The following TMEM181 variants were observed in gnomAD, a reference collection of about 807,000 sequenced individuals.
TMEM181 encodes transmembrane protein 181.
TMEM181 carries 39 observed loss-of-function variants against 71.9 expected under a neutral mutation model. That is an observed-to-expected ratio of 0.54 (90% CI 0.42 to 0.71). The LOEUF is 0.71. Among genes scored for constraint, TMEM181 ranks in the 30% least tolerant of loss-of-function variants. The pLI is 0.00. For synonymous variants in TMEM181, 245 were observed against 228.8 expected (o/e 1.07, Z -0.64); for missense variants, 595 against 583.0 (o/e 1.02, Z -0.21).
chr6:158,608,767 T>C lies in TMEM181; in HGVS notation c.896+17T>C, dbSNP rs758797827. 2.5e-6 allele frequency: 4 copies of C among 1,601,234 alleles called. No homozygotes were observed. The highest frequency in any genetic ancestry group is 2.6e-6 in the Non-Finnish European group (3 of 1,174,804). ...ATGGCAAACGTGAGTAATTCTATTATGTGTGAAACTTCAGTCATGAAAAGC... is the reference window on the plus strand; with the variant it reads ...ATGGCAAACGTGAGTAATTCTATTACGTGTGAAACTTCAGTCATGAAAAGC... On this transcript the variant is annotated intron_variant, in intron 10 of 16. Transcript: ENST00000684151.
At chr6:158,559,188 A>C (rs1782017192), upstream of TMEM181, among the ~76,000 whole-genome samples, 1 of 149,384 alleles carries the variant, frequency 6.7e-6, no homozygotes. Flanking sequence ...TACCTTCTCC[A>C]CTCCCCCAAG....
chr6:158,566,839 C>T (rs112012612), intron 1 of TMEM181, among the ~76,000 whole-genome samples: 1 of 152,030 alleles, frequency 6.6e-6, no homozygotes, highest in Non-Finnish European at 1.5e-5. Flanking sequence ...ACTCCACAAA[C>T]CTCACCTTGC....
At chr6:158,569,023 C>T (rs1050609837) in intron 1 of TMEM181, among the ~76,000 whole-genome samples, 4 of 152,172 alleles carry the variant, frequency 2.6e-5, no homozygotes, top group African/African-American at 9.7e-5. Flanking sequence ...GTTACCCAGG[C>T]TGAGTGCAGT....
At chr6:158,541,636 G>A (rs556242384) in intron 1 of TMEM181, among the ~76,000 whole-genome samples, 12 of 152,250 alleles carry the variant, frequency 7.9e-5, no homozygotes, top group Middle Eastern at 3.4e-3. Context: ...CTGGCCAACC[G>A]TCCTTTCTGC....
At chr6:158,606,066 CTGTGCATGGAAG>C (rs1784930699) in intron 7 of TMEM181, among the ~76,000 whole-genome samples, 1 of 152,178 alleles carries the variant, frequency 6.6e-6, no homozygotes, top group Non-Finnish European at 1.5e-5. Flanking sequence ...TTCAGAGTAA[CTGTGCATGGAAG>C]GACACAGGCG....
At chr6:158,541,094 G>C (rs1781323755) in intron 1 of TMEM181, among the ~76,000 whole-genome samples, 4 of 152,118 alleles carry the variant, frequency 2.6e-5, no homozygotes, top group Admixed American at 2.6e-4. Flanking sequence ...TCTCTGCCAG[G>C]ATGGAGAGCC....
rs993497860 is a variant in TMEM181 at position 158,607,309 on chromosome 6, G to T, written c.639G>T (p.Met213Ile). The change falls in exon 8 of 17, where the codon ATG (methionine) becomes ATT (isoleucine). Residue 213 changes from methionine to isoleucine, a missense_variant. By Grantham distance (10) the Met-to-Ile change is conservative. Coordinates refer to ENST00000684151, the MANE Select transcript of TMEM181 (RefSeq NM_001376852.1). The part of the protein sequence containing the change: ...MRDWGIEQKW[M>I]SVLLPLLLLY... ...ACTGGGGCATCGAGCAGAAGTGGAT[G>T]TCTGTTCTCCTGCCTCTGCTGCTAC... The T allele has an allele frequency of 6.2e-7, 1 of 1,614,210 alleles. No individual in the cohort carries two copies. Among genetic ancestry groups the T allele is most frequent in the Non-Finnish European group, 8.5e-7 (1 of 1,180,034 alleles).
intron 10 of TMEM181, among the ~76,000 whole-genome samples, chr6:158,622,470 G>A (rs1057508374): frequency 6.6e-6 from 1 of 152,110 alleles, no homozygotes; most frequent in East Asian, 1.9e-4. Flanking sequence ...TGATGTGGCC[G>A]ACTGACGGGC....
At chr6:158,553,709 AT>A (rs1781787823) in intron 1 of TMEM181, among the ~76,000 whole-genome samples, 4 of 152,306 alleles carry the variant, frequency 2.6e-5, no homozygotes, top group Admixed American at 2.6e-4. Context: ...AGACATTTTT[AT>A]TTTTTTCAAC....
In TMEM181 at chr6:158,578,208, A is replaced by G. The variant is rs113808652; in HGVS notation, c.113-2732A>G. Among the ~76,000 whole-genome samples the G allele has an allele frequency of 1.9e-3, 294 of 152,356 alleles. 1 individual carries two copies. Among genetic ancestry groups the G allele is most frequent in the African/African-American group, 6.5e-3 (270 of 41,586 alleles). ...GATAAAATTTGAGGAAGTTATTACTATTAGACCTGCCCTGCAAGTATTGCT... is the reference window on the plus strand; with the variant it reads ...GATAAAATTTGAGGAAGTTATTACTGTTAGACCTGCCCTGCAAGTATTGCT... On this transcript the variant is annotated intron_variant, in intron 2 of 16. Transcript: ENST00000684151.
intron 1 of TMEM181, among the ~76,000 whole-genome samples, chr6:158,554,133 T>TGG (rs1222415723): frequency 2.0e-5 from 3 of 152,036 alleles, no homozygotes; most frequent in African/African-American, 7.3e-5. Context: ...TTGCCCAGGC[T>TGG]GGAGTACAAT....
chr6:158,549,374 A>G (rs1380795852), intron 1 of TMEM181, among the ~76,000 whole-genome samples: 1 of 152,148 alleles, frequency 6.6e-6, no homozygotes, highest in Non-Finnish European at 1.5e-5. Flanking sequence ...TTGGCCTCCC[A>G]AAGTACTGGG....
At chr6:158,575,376 T>C (rs1487435806) in intron 2 of TMEM181, among the ~76,000 whole-genome samples, 2 of 151,922 alleles carry the variant, frequency 1.3e-5, no homozygotes, top group Non-Finnish European at 2.9e-5. Flanking sequence ...TTGCCCAGGC[T>C]AGAGTGCAGT....
chr6:158,600,755 G>T (rs138986456), intron 6 of TMEM181, among the ~76,000 whole-genome samples: 1 of 152,244 alleles, frequency 6.6e-6, no homozygotes, highest in Admixed American at 6.5e-5. Context: ...ACAGGTGTGA[G>T]CCACCGCACC....
intron 10 of TMEM181, chr6:158,610,401 T>C (rs1019459603): frequency 3.5e-6 from 1 of 283,598 alleles, no homozygotes; most frequent in Non-Finnish European, 7.3e-6. Context: ...TGAAATTCCT[T>C]AGAGAAGGAG....
At position 158,609,068 on chromosome 6, in the gene TMEM181, AG is replaced by A. The variant is rs540399274; in HGVS notation, c.896+319del. ...AGCCGAGATTGCACCACTGCACTCC[AG>A]CCTGGGCAACAGAGTGAGACCTTGT... On this transcript the variant is annotated intron_variant, in intron 10 of 16. Transcript: ENST00000684151. Among the ~76,000 whole-genome samples the A allele has an allele frequency of 2.2e-3, 331 of 151,754 alleles. 3 individuals are homozygous for A. Among genetic ancestry groups the A allele is most frequent in the African/African-American group, 7.4e-3 (307 of 41,252 alleles).
rs762895407 is a variant in TMEM181, at chr6:158,584,048, T to C, written c.259+4T>C. On this transcript the variant is annotated splice_donor_region_variant and intron_variant, in intron 4 of 16. Transcript: ENST00000684151. Reference sequence around the variant, plus strand: ...GTTGAGTTGGATCAATCAAAAGGTATGGAGCTTGACATTTTGGAATGATTT... The same window carrying C: ...GTTGAGTTGGATCAATCAAAAGGTACGGAGCTTGACATTTTGGAATGATTT... The C allele has an allele frequency of 1.9e-6, 3 of 1,600,602 alleles. No individual in the cohort carries two copies. Among genetic ancestry groups the C allele is most frequent in the Non-Finnish European group, 2.6e-6 (3 of 1,172,674 alleles).
chr6:158,553,530 TCTTA>T (rs1051224376), intron 1 of TMEM181, among the ~76,000 whole-genome samples: 10 of 152,226 alleles, frequency 6.6e-5, no homozygotes, highest in African/African-American at 1.2e-4. Flanking sequence ...ATTAAATTAG[TCTTA>T]CTTATCAAAG....
At chr6:158,560,517 C>T (rs1210332135) in intron 1 of TMEM181, among the ~76,000 whole-genome samples, 1 of 152,194 alleles carries the variant, frequency 6.6e-6, no homozygotes, top group Non-Finnish European at 1.5e-5. Context: ...AGCCACAGCG[C>T]TCACCGGGGG....
Sources: gnomAD v4.1 joint callset for allele counts (sites outside exome capture counted in the v4.1 genomes callset) on GRCh38, gnomAD v4.1.1 for gene constraint, MANE v1.5 for transcripts, NCBI Gene and HGNC (gene_info 2026-07-23, HGNC 2026-07-21) for gene names.